Variants in LRFN5 observed in about 807,000 individuals in gnomAD.
The protein encoded by LRFN5 is leucine rich repeat and fibronectin type III domain containing 5.
Under a neutral mutation model 45.6 loss-of-function variants are expected in LRFN5, and 24 were observed. The observed-to-expected ratio is 0.53, with a 90% CI of 0.38 to 0.74. LRFN5 has a LOEUF of 0.74. LRFN5 is among the 30% of genes least tolerant of loss of function. LRFN5 has a pLI of 0.00. For missense variants in LRFN5, 776 were observed against 861.5 expected (o/e 0.90, Z 1.24); for synonymous variants, 340 against 313.8 (o/e 1.08, Z -0.88).
intron 1 of LRFN5, among the ~76,000 whole-genome samples, chr14:41,735,691 G>T (rs1738886009): frequency 6.6e-6 from 1 of 152,102 alleles, no homozygotes; most frequent in Admixed American, 6.6e-5. Flanking sequence ...GTGCCGTGGT[G>T]ATAAGCTGTA....
At chr14:41,861,948 T>A (rs560402377) in intron 2 of LRFN5, among the ~76,000 whole-genome samples, 1 of 152,252 alleles carries the variant, frequency 6.6e-6, no homozygotes, top group South Asian at 2.1e-4. Context: ...GGGAGGGACC[T>A]GGTGTGAGGT....
At chr14:41,853,282 C>G (rs1477359023) in intron 2 of LRFN5, among the ~76,000 whole-genome samples, 1 of 151,980 alleles carries the variant, frequency 6.6e-6, no homozygotes, top group East Asian at 1.9e-4. Flanking sequence ...TAATAGTTCT[C>G]AGCTCTGTTC....
At chr14:41,888,901 G>T (rs1890673737) in intron 3 of LRFN5, among the ~76,000 whole-genome samples, 1 of 151,652 alleles carries the variant, frequency 6.6e-6, no homozygotes, top group Non-Finnish European at 1.5e-5. Context: ...TTCACTTTGT[G>T]AGAGGCTTAC....
intron 1 of LRFN5, among the ~76,000 whole-genome samples, chr14:41,739,659 A>G (rs1181118500): frequency 6.6e-6 from 1 of 150,792 alleles, no homozygotes; most frequent in Non-Finnish European, 1.5e-5. Flanking sequence ...AGCAACTAGA[A>G]AAAAAAAAAC....
At chr14:41,820,279 A>G (rs923660651) in intron 2 of LRFN5, among the ~76,000 whole-genome samples, 2 of 151,870 alleles carry the variant, frequency 1.3e-5, no homozygotes, top group Non-Finnish European at 2.9e-5. Context: ...TCTATCTTGA[A>G]TTAAATTTTA....
At chr14:41,631,563 A>T (rs1211127203) in intron 1 of LRFN5, among the ~76,000 whole-genome samples, 1 of 152,160 alleles carries the variant, frequency 6.6e-6, no homozygotes, top group African/African-American at 2.4e-5. Flanking sequence ...ATATGAAGTT[A>T]TAAGAATTAT....
chr14:41,856,675 A>ATTATTATTATTATTATTTT lies in LRFN5; in HGVS notation c.-20-29929_-20-29928insATTATTATTATTATTTTTT. On this transcript the variant is annotated intron_variant, in intron 2 of 5. Coordinates refer to ENST00000298119, the MANE Select transcript of LRFN5 (RefSeq NM_152447.5). ...TTCTTTCCTAATTATTATTATTATT[A>ATTATTATTATTATTATTTT]TTTTTTTTTTTTTTTTTTTGAGACG... Among the ~76,000 whole-genome samples the ATTATTATTATTATTATTTT allele has an allele frequency of 4.9e-3, 89 of 18,316 alleles. 5 individuals carry two copies. The highest frequency in any genetic ancestry group is 0.011 in the African/African-American group (82 of 7,802). 12.0% of individuals were successfully genotyped at this position (18,316 alleles called of 152,430 possible). A position where few individuals can be genotyped will look rare whatever the true frequency, so the allele number is the denominator to read the frequency against.
chr14:41,890,166 T>C (rs1053516941), intron 3 of LRFN5, among the ~76,000 whole-genome samples: 2 of 152,190 alleles, frequency 1.3e-5, no homozygotes, highest in South Asian at 4.2e-4. Flanking sequence ...AGTGAAAGTA[T>C]CACTGGAATT....
chr14:41,651,759 C>T (rs1880136527), intron 1 of LRFN5, among the ~76,000 whole-genome samples: 1 of 152,104 alleles, frequency 6.6e-6, no homozygotes, highest in Non-Finnish European at 1.5e-5. Flanking sequence ...TTTCATTTGC[C>T]AGAGCTACGA....
At chr14:41,859,459 A>T (rs1037157246) in intron 2 of LRFN5, among the ~76,000 whole-genome samples, 2 of 152,206 alleles carry the variant, frequency 1.3e-5, no homozygotes, top group Non-Finnish European at 2.9e-5. Flanking sequence ...ATGTTTGGTG[A>T]GGTCCTAACA....
intron 2 of LRFN5, among the ~76,000 whole-genome samples, chr14:41,810,180 A>C (rs569170939): frequency 4.4e-4 from 67 of 152,232 alleles, no homozygotes; most frequent in African/African-American, 1.6e-3. Flanking sequence ...AGTTTACTTC[A>C]GTGACTTTTA....
intron 2 of LRFN5, among the ~76,000 whole-genome samples, chr14:41,876,758 C>A (rs75663409): frequency 6.6e-6 from 1 of 152,114 alleles, no homozygotes; most frequent in South Asian, 2.1e-4. Context: ...TTTCCAAAAC[C>A]CTCTTGGGAA....
chr14:41,633,700 A>G (rs1888627818), intron 1 of LRFN5, among the ~76,000 whole-genome samples: 1 of 152,204 alleles, frequency 6.6e-6, no homozygotes, highest in Non-Finnish European at 1.5e-5. Context: ...TTTTAAAAAC[A>G]TCAAACAAAA....
At chr14:41,856,301 A>G (rs7149258) in intron 2 of LRFN5, among the ~76,000 whole-genome samples, 4,834 of 152,322 alleles carry the variant, frequency 0.032, 263 homozygotes, top group African/African-American at 0.11. Context: ...TAATTAATTC[A>G]TGCATTTAGC....
At chr14:41,703,149 C>T (rs961344866) in intron 1 of LRFN5, among the ~76,000 whole-genome samples, 2 of 152,014 alleles carry the variant, frequency 1.3e-5, no homozygotes, top group African/African-American at 2.4e-5. Context: ...AATGGAATAT[C>T]GTTGTTTAGT....
chr14:41,899,961 T>A (rs1250859342), intron 5 of LRFN5, among the ~76,000 whole-genome samples: 1 of 152,148 alleles, frequency 6.6e-6, no homozygotes, highest in Non-Finnish European at 1.5e-5. Context: ...TTGACCTGCA[T>A]GAAGGTGTCT....
intron 4 of LRFN5, 194 bp downstream of exon 4, chr14:41,892,156 C>G: frequency 2.0e-6 from 2 of 985,372 alleles, no homozygotes; most frequent in Non-Finnish European, 2.4e-6. Flanking sequence ...AGGCAACTCT[C>G]AAATTCTGAG....
At chr14:41,749,459 C>T (rs1042428864) in intron 1 of LRFN5, among the ~76,000 whole-genome samples, 4 of 152,022 alleles carry the variant, frequency 2.6e-5, no homozygotes, top group Admixed American at 6.6e-5. Context: ...ATATACACTA[C>T]GAAATATTAT....
intron 4 of LRFN5, chr14:41,892,287 T>C (rs1890812220): frequency 1.0e-6 from 1 of 973,706 alleles, no homozygotes; most frequent in Non-Finnish European, 1.2e-6. Flanking sequence ...CCTTCTCAGG[T>C]ACAGTATATA....
Sources: gnomAD v4.1 joint callset for allele counts (sites outside exome capture counted in the v4.1 genomes callset) on GRCh38, gnomAD v4.1.1 for gene constraint, MANE v1.5 for transcripts, NCBI Gene and HGNC (gene_info 2026-07-23, HGNC 2026-07-21) for gene names.